The following PHACTR1 variants were observed in gnomAD, a reference collection of about 807,000 sequenced individuals.
PHACTR1 encodes the protein phosphatase and actin regulator 1, also known as RPEL repeat containing 1.
PHACTR1 carries 16 observed loss-of-function variants against 69.2 expected under a neutral mutation model. That is an observed-to-expected ratio of 0.23 (90% CI 0.16 to 0.35). The LOEUF (loss-of-function observed/expected upper bound fraction) is 0.35, where lower values mean the gene tolerates loss of function less well. Among genes scored for constraint, PHACTR1 ranks in the 10% least tolerant of loss-of-function variants. PHACTR1 has a pLI of 1.00. For missense variants in PHACTR1, 510 were observed against 734.7 expected, an observed-to-expected ratio of 0.69 and a Z score of 3.54; for synonymous variants, 312 against 284.5, an observed-to-expected ratio of 1.10 and a Z score of -0.97.
intron 5 of PHACTR1, among the ~76,000 whole-genome samples, chr6:13,151,071 G>C (rs1056440647): frequency 1.3e-5 from 2 of 152,160 alleles, no homozygotes; most frequent in African/African-American, 2.4e-5. Flanking sequence ...AGCCTAAAAA[G>C]TTCCTTTTAC....
At chr6:13,144,913 C>G (rs915283129) in intron 5 of PHACTR1, among the ~76,000 whole-genome samples, 2 of 151,766 alleles carry the variant, frequency 1.3e-5, no homozygotes, top group African/African-American at 4.8e-5. Flanking sequence ...CAATGTAGTA[C>G]AGGTGCAGGA....
At chr6:12,931,051 C>T (rs9473002) in intron 4 of PHACTR1, among the ~76,000 whole-genome samples, 4,051 of 149,936 alleles carry the variant, frequency 0.027, 173 homozygotes, top group African/African-American at 0.093. Flanking sequence ...CACAGGACAG[C>T]CATGTAGGCA....
chr6:13,062,766 C>G (rs1583188064), intron 5 of PHACTR1, among the ~76,000 whole-genome samples: 1 of 152,178 alleles, frequency 6.6e-6, no homozygotes, highest in East Asian at 1.9e-4. Context: ...CACATTTTGT[C>G]TTGACATCTT....
At chr6:12,884,219 T>C (rs1268304788) in intron 4 of PHACTR1, among the ~76,000 whole-genome samples, 4 of 152,186 alleles carry the variant, frequency 2.6e-5, no homozygotes, top group Non-Finnish European at 4.4e-5. Flanking sequence ...ACCTGACCCA[T>C]ACATTTTTAT....
Position 12,784,174 on chromosome 6 carries a change from A to G in PHACTR1, c.250+34384A>G, listed in dbSNP as rs1288754111. On this transcript the variant is annotated intron_variant, in intron 4 of 14. Coordinates refer to ENST00000332995, the MANE Select transcript of PHACTR1 (RefSeq NM_030948.6). Reference sequence around the variant, plus strand: ...CTATACACATATACTTGATGAATATACATATACCCACAGATATACATATAT... The same window carrying G: ...CTATACACATATACTTGATGAATATGCATATACCCACAGATATACATATAT... Among the ~76,000 whole-genome samples the G allele has an allele frequency of 7.9e-5, 12 of 152,206 alleles. No individual in the cohort carries two copies. The East Asian group carries it at 2.3e-3, about 29-fold the overall frequency.
intron 4 of PHACTR1, among the ~76,000 whole-genome samples, chr6:12,835,131 G>T (rs1176406378): frequency 6.6e-6 from 1 of 152,122 alleles, no homozygotes; most frequent in African/African-American, 2.4e-5. Flanking sequence ...AGAACCTGAG[G>T]AGAGTGCAGA....
chr6:13,161,179 A>G (rs1223542), intron 6 of PHACTR1, among the ~76,000 whole-genome samples: 28,265 of 151,860 alleles, frequency 0.19, 2,792 homozygotes, highest in African/African-American at 0.24. Flanking sequence ...GGGTCCCACT[A>G]TGTTGCCCAG....
At chr6:12,793,402 T>C (rs1772577603) in intron 4 of PHACTR1, among the ~76,000 whole-genome samples, 1 of 152,244 alleles carries the variant, frequency 6.6e-6, no homozygotes, top group Non-Finnish European at 1.5e-5. Context: ...GAATGGGATA[T>C]TGCAAGATTT....
chr6:12,718,927 A>T, intron 3 of PHACTR1, 80 bp downstream of exon 3: 1 of 778,060 alleles, frequency 1.3e-6, no homozygotes, highest in Non-Finnish European at 2.0e-6. Context: ...TAGCTGTTAA[A>T]GCCTTGCTCT....
chr6:13,005,458 A>G (rs1236131842), intron 4 of PHACTR1, among the ~76,000 whole-genome samples: 1 of 152,144 alleles, frequency 6.6e-6, no homozygotes, highest in Non-Finnish European at 1.5e-5. Context: ...ATTCTTGCAG[A>G]CAACATTGCT....
intron 4 of PHACTR1, among the ~76,000 whole-genome samples, chr6:12,768,264 G>A (rs892801863): frequency 2.6e-5 from 4 of 151,982 alleles, no homozygotes; most frequent in East Asian, 3.9e-4. Context: ...ACTGGCACCC[G>A]CCACCATGCC....
At chr6:13,176,009 T>A (rs1032375770) in intron 6 of PHACTR1, among the ~76,000 whole-genome samples, 9 of 151,846 alleles carry the variant, frequency 5.9e-5, no homozygotes, top group African/African-American at 2.2e-4. Flanking sequence ...CAGGGGCCAG[T>A]GCTTATACCC....
chr6:12,719,201 T>C (rs1305766939), intron 3 of PHACTR1, among the ~76,000 whole-genome samples: 1 of 152,220 alleles, frequency 6.6e-6, no homozygotes. Context: ...CTTGAAATCT[T>C]AGGGCATCAT....
intron 4 of PHACTR1, among the ~76,000 whole-genome samples, chr6:12,883,833 A>G (rs1335498782): frequency 3.3e-5 from 5 of 152,024 alleles, no homozygotes; most frequent in Admixed American, 2.0e-4. Context: ...TTCTCTTTTC[A>G]CTAGTACCAG....
chr6:12,959,022 C>T (rs1792277014), intron 4 of PHACTR1, among the ~76,000 whole-genome samples: 1 of 151,782 alleles, frequency 6.6e-6, no homozygotes, highest in East Asian at 1.9e-4. Context: ...ACTAAAAATA[C>T]AAAAATTAGC....
At chr6:13,278,419 G>C in intron 12 of PHACTR1, 90 bp downstream of exon 12, 1 of 1,129,700 alleles carries the variant, frequency 8.9e-7, no homozygotes, top group Non-Finnish European at 1.3e-6. Context: ...TGGCCTCACC[G>C]CTGCCTGGTT....
At chr6:12,738,680 T>G (rs1027504415) in intron 3 of PHACTR1, among the ~76,000 whole-genome samples, 1 of 152,064 alleles carries the variant, frequency 6.6e-6, no homozygotes, top group African/African-American at 2.4e-5. Flanking sequence ...CTGGCCAACA[T>G]GGTGAAACCC....
chr6:13,160,204 C>A lies in PHACTR1; in HGVS notation c.416C>A (p.Ala139Asp). 1 of 1,613,360 alleles carries A rather than the reference C, an allele frequency of 6.2e-7. No individual in the cohort carries two copies. The highest frequency in any genetic ancestry group is 8.5e-7 in the Non-Finnish European group (1 of 1,179,508). ...KSEKFKHTSA[A>D]LERKISMRQS... Reference sequence around the variant, plus strand: ...CTCCCTGTTTGTCTTTTGTTTGTAGCCCTGGAAAGGAAAATATCTATGAGG... The same window carrying A: ...CTCCCTGTTTGTCTTTTGTTTGTAGACCTGGAAAGGAAAATATCTATGAGG... Residue 139 changes from alanine to aspartate, a missense_variant and splice_region_variant, in exon 6 of 15, where the codon GCC (alanine) becomes GAC (aspartate). Transcript: ENST00000332995.
intron 7 of PHACTR1, among the ~76,000 whole-genome samples, chr6:13,187,100 T>C (rs1000026902): frequency 3.3e-5 from 5 of 152,104 alleles, no homozygotes; most frequent in African/African-American, 4.8e-5. Context: ...GAGGTAATGG[T>C]GAGCAATGGG....
Sources: gnomAD v4.1 joint callset for allele counts (sites outside exome capture counted in the v4.1 genomes callset) on GRCh38, gnomAD v4.1.1 for gene constraint, MANE v1.5 for transcripts, NCBI Gene and HGNC (gene_info 2026-07-23, HGNC 2026-07-21) for gene names.